KIT: variants seen among roughly 807,000 people sequenced by gnomAD.
KIT encodes the protein KIT proto-oncogene, receptor tyrosine kinase, also known as mast/stem cell growth factor receptor Kit.
KIT carries 16 observed loss-of-function variants against 105.7 expected under a neutral mutation model. That is an observed-to-expected ratio of 0.15 (90% confidence interval 0.10 to 0.23). The LOEUF (loss-of-function observed/expected upper bound fraction) is 0.23, where lower values mean the gene tolerates loss of function less well. KIT is among the 10% of genes least tolerant of loss of function. KIT has a pLI of 1.00. For synonymous variants in KIT, 438 were observed against 441.1 expected, an observed-to-expected ratio of 0.99 and a Z score of 0.09; for missense variants, 858 against 1,213.8, an observed-to-expected ratio of 0.71 and a Z score of 4.36.
chr4:54,727,019 T>C (rs1475828707), intron 9 of KIT, among the ~76,000 whole-genome samples, 199 bp from the exon 10 acceptor site: 2 of 152,218 alleles, frequency 1.3e-5, no homozygotes, highest in Admixed American at 6.5e-5. Context: ...TGCAGTATTG[T>C]GGTTTCAAGT....
intron 14 of KIT, among the ~76,000 whole-genome samples, chr4:54,730,553 C>T (rs1028204672): frequency 1.3e-5 from 2 of 152,076 alleles, no homozygotes; most frequent in Non-Finnish European, 2.9e-5. Context: ...GTTAGTTTCT[C>T]CTGGGCATGT....
At chr4:54,681,591 C>G (rs1287643533) in intron 1 of KIT, among the ~76,000 whole-genome samples, 1 of 152,034 alleles carries the variant, frequency 6.6e-6, no homozygotes, top group African/African-American at 2.4e-5. Flanking sequence ...GTGTGTGTAT[C>G]TAGGAGAAGT....
rs1385710640 is a variant in KIT, at chr4:54,664,901, T to C, written c.67+6820T>C. Among the ~76,000 whole-genome samples the C allele has an allele frequency of 2.6e-5, 4 of 151,982 alleles. No individual in the cohort carries two copies. In the East Asian group the frequency reaches 7.7e-4, roughly 29 times the overall value. ...CCACACCTGGCCTGTTTTTTTTTTT[T>C]TTAATAGTAAAACATACATAAAATG... On this transcript the variant is annotated intron_variant, in intron 1 of 20. Transcript: ENST00000288135.
chr4:54,690,686 AT>A (rs566369792), intron 1 of KIT, among the ~76,000 whole-genome samples: 21 of 152,220 alleles, frequency 1.4e-4, no homozygotes, highest in Non-Finnish European at 2.5e-4. Context: ...TTCAACAAAC[AT>A]TTGTTAAGAA....
Position 54,715,347 on chromosome 4 carries a change from TCAGTG to T in KIT, c.1231+5811_1231+5815del, listed in dbSNP as rs1373921365. On this transcript the variant is annotated intron_variant, in intron 7 of 20. Transcript: ENST00000288135. Reference sequence around the variant, plus strand: ...ACCAGAAATGATCCCAGGTAGACTATCAGTGCATTTGTGTTGCTGTTAAAAAAAAA... The same window carrying T: ...ACCAGAAATGATCCCAGGTAGACTATCATTTGTGTTGCTGTTAAAAAAAAA... Among the ~76,000 whole-genome samples the T allele has an allele frequency of 4.1e-5, 6 of 144,738 alleles. No homozygotes were observed. In the Admixed American group the frequency reaches 4.3e-4, roughly 10 times the overall value. The allele number at this position is 144,738 out of a possible 152,430, so 95.0% of individuals were successfully genotyped here.
At chr4:54,692,895 G>A (rs959790795) in intron 1 of KIT, among the ~76,000 whole-genome samples, 1 of 152,174 alleles carries the variant, frequency 6.6e-6, no homozygotes. Flanking sequence ...GGCTACAGTT[G>A]ATGCCACCAC....
intron 1 of KIT, among the ~76,000 whole-genome samples, chr4:54,693,602 C>A (rs1204340554): frequency 6.6e-6 from 1 of 152,156 alleles, no homozygotes; most frequent in Non-Finnish European, 1.5e-5. Context: ...CACGTCCCCT[C>A]CCCTCAGAAT....
At position 54,659,602 on chromosome 4, in the gene KIT, C is replaced by G. The variant is rs566537866; in HGVS notation, c.67+1521C>G. ...GCTTTCCTGTGGGGGGCAGAGAGGC[C>G]TTGCATCTGGACCCCTGTGCAGCAG... On this transcript the variant is annotated intron_variant, in intron 1 of 20. Coordinates refer to ENST00000288135, the MANE Select transcript of KIT (RefSeq NM_000222.3). 8.5e-5 allele frequency among the ~76,000 whole-genome samples: 13 copies of G among 152,114 alleles called. No individual in the cohort carries two copies. The East Asian group carries it at 2.1e-3, about 25-fold the overall frequency.
Position 54,699,766 on chromosome 4 carries a change from G to A in KIT, c.756G>A (p.Gln252=), listed in dbSNP as rs2109679584. The A allele has an allele frequency of 2.5e-6, 4 of 1,613,722 alleles. No individual in the cohort carries two copies. The South Asian group carries it at 4.4e-5, about 18-fold the overall frequency. ...CAACGTGGAAAAGAGAAAACAGTCA[G>A]GTGAGTGAATCGCTTCATTCTTCTC... ...VYSTWKRENS[Q]TKLQEKYNSW... The change falls in exon 4 of 21, where the codon CAG becomes CAA. Residue 252 remains glutamine (Q), a splice_region_variant and synonymous_variant. Transcript: ENST00000288135.
chr4:54,674,930 G>C (rs578228717), intron 1 of KIT, among the ~76,000 whole-genome samples: 1 of 152,268 alleles, frequency 6.6e-6, no homozygotes, highest in South Asian at 2.1e-4. Context: ...AGTTTTAAAA[G>C]TATTAAATCA....
intron 1 of KIT, among the ~76,000 whole-genome samples, chr4:54,669,437 C>T (rs893170865): frequency 1.3e-5 from 2 of 152,234 alleles, no homozygotes; most frequent in Non-Finnish European, 2.9e-5. Context: ...AGTGGCTTTG[C>T]GCCATACTGG....
rs1435441635 is a variant in KIT, at chr4:54,738,736, T to C, written c.*179T>C. The C allele has an allele frequency of 4.0e-6, 3 of 747,248 alleles. No individual in the cohort carries two copies. Among genetic ancestry groups the C allele is most frequent in the Non-Finnish European group, 7.0e-6 (3 of 427,504 alleles). The allele number at this position is 747,248 out of a possible 1,614,324, so 46.3% of individuals were successfully genotyped here. On this transcript the variant is annotated 3_prime_UTR_variant, in exon 21 of 21. Transcript: ENST00000288135. ...ATTTTTGTCATCAGCCACCATCCTA[T>C]TGCAAAGGTTCCAACTGTATATATT...
chr4:54,699,279 A>G (rs17084644), intron 3 of KIT, among the ~76,000 whole-genome samples: 11,471 of 152,242 alleles, frequency 0.075, 517 homozygotes, highest in Non-Finnish European at 0.1. Context: ...TTAAAAGAAT[A>G]TAAGTAGTTG....
intron 9 of KIT, among the ~76,000 whole-genome samples, 186 bp from the exon 10 acceptor site, chr4:54,727,032 T>C (rs1722263110): frequency 6.6e-6 from 1 of 152,218 alleles, no homozygotes; most frequent in Non-Finnish European, 1.5e-5. Context: ...TTTCAAGTTA[T>C]ATTTTTAAAG....
chr4:54,722,810 T>A (rs1197611433), intron 7 of KIT, among the ~76,000 whole-genome samples: 1 of 41,042 alleles, frequency 2.4e-5, no homozygotes, highest in African/African-American at 8.8e-5. Context: ...GATTTATATA[T>A]ATATTTATAT....
chr4:54,727,776 C>T (rs1293045526), intron 11 of KIT, 47 bp from the exon 12 acceptor site: 1 of 1,471,156 alleles, frequency 6.8e-7, no homozygotes, highest in Non-Finnish European at 9.5e-7. Flanking sequence ...CCTTCAATTC[C>T]ACCACCAGCA....
chr4:54,715,389 C>T (rs1321550846), intron 7 of KIT, among the ~76,000 whole-genome samples: 3 of 146,572 alleles, frequency 2.0e-5, no homozygotes, highest in Non-Finnish European at 4.5e-5. Flanking sequence ...AAAAAAAATG[C>T]CCGGGGCTGG....
At chr4:54,721,572 G>A (rs988484955) in intron 7 of KIT, among the ~76,000 whole-genome samples, 1 of 152,194 alleles carries the variant, frequency 6.6e-6, no homozygotes, top group Non-Finnish European at 1.5e-5. Context: ...TTAGCCAAAT[G>A]GCCTGCTCAT....
intron 1 of KIT, among the ~76,000 whole-genome samples, 189 bp downstream of exon 1, chr4:54,658,270 G>A (rs1716963646): frequency 1.3e-5 from 2 of 152,240 alleles, no homozygotes; most frequent in East Asian, 3.9e-4. Flanking sequence ...ACCTGCGCGA[G>A]GAGACCCCAG....
Sources: gnomAD v4.1 joint callset for allele counts (sites outside exome capture counted in the v4.1 genomes callset) on GRCh38, gnomAD v4.1.1 for gene constraint, MANE v1.5 for transcripts, NCBI Gene and HGNC (gene_info 2026-07-23, HGNC 2026-07-21) for gene names.